MFSD11: variants seen among roughly 807,000 people sequenced by gnomAD.
MFSD11 encodes the protein major facilitator superfamily domain containing 11.
In MFSD11, 36 loss-of-function variants were observed where a neutral mutation model predicts 53.5. That is an observed-to-expected ratio of 0.67 (90% CI 0.52 to 0.89). The LOEUF is 0.89. Ranked by LOEUF, MFSD11 falls within the 40% of genes least tolerant of loss-of-function variation. The pLI is 0.00. For synonymous variants in MFSD11, 186 were observed against 184.9 expected, an observed-to-expected ratio of 1.01 and a Z score of -0.05; for missense variants, 530 against 543.9, an observed-to-expected ratio of 0.97 and a Z score of 0.25.
chr17:76,763,357 C>T (rs1001868184), intron 8 of MFSD11, among the ~76,000 whole-genome samples: 14 of 151,862 alleles, frequency 9.2e-5, no homozygotes, highest in African/African-American at 3.1e-4. Flanking sequence ...CTCCACCTCC[C>T]AGGTTCAAGT....
intron 7 of MFSD11, 73 bp downstream of exon 7, chr17:76,744,539 C>T (rs1480219079): frequency 1.2e-5 from 16 of 1,371,962 alleles, no homozygotes; most frequent in African/African-American, 4.4e-5. Context: ...ATTACCAACC[C>T]GTTTAGCCCT....
intron 12 of MFSD11, among the ~76,000 whole-genome samples, chr17:76,777,734 A>T (rs1225982899): frequency 6.6e-6 from 1 of 152,076 alleles, no homozygotes; most frequent in Non-Finnish European, 1.5e-5. Context: ...CTGATTAGAG[A>T]TTTCCTTCCT....
At chr17:76,765,697 C>T (rs1376659906) in intron 8 of MFSD11, among the ~76,000 whole-genome samples, 1 of 152,036 alleles carries the variant, frequency 6.6e-6, no homozygotes, top group Non-Finnish European at 1.5e-5. Flanking sequence ...TCAAGCGATT[C>T]TCCCAAGTCA....
At chr17:76,767,728 G>T (rs1396639703) in intron 9 of MFSD11, among the ~76,000 whole-genome samples, 2 of 152,116 alleles carry the variant, frequency 1.3e-5, no homozygotes, top group Non-Finnish European at 2.9e-5. Context: ...GATCTGGCAG[G>T]ATAGCCAGAC....
chr17:76,773,496 T>G (rs2081549837), intron 10 of MFSD11: 1 of 152,278 alleles, frequency 6.6e-6, no homozygotes, highest in Non-Finnish European at 1.5e-5. Context: ...CATCTTTTCA[T>G]GTGTGTATTT....
intron 5 of MFSD11, 104 bp downstream of exon 5, chr17:76,742,377 A>G (rs2078174422): frequency 3.3e-6 from 3 of 902,134 alleles, no homozygotes; most frequent in South Asian, 3.2e-5. Context: ...ATGTTACGTG[A>G]CTTAAGTTCT....
At chr17:76,740,041 G>C (rs2077907650) in intron 2 of MFSD11, among the ~76,000 whole-genome samples, 2 of 151,768 alleles carry the variant, frequency 1.3e-5, no homozygotes, top group African/African-American at 2.4e-5. Flanking sequence ...AGGCATGGTG[G>C]TGGGCGCCTG....
downstream of MFSD11, among the ~76,000 whole-genome samples, chr17:76,783,339 A>G (rs1386495685): frequency 2.0e-5 from 3 of 152,164 alleles, no homozygotes; most frequent in East Asian, 1.9e-4. Flanking sequence ...CATATTGTCT[A>G]TATTTAGATT....
At chr17:76,736,722 C>T, upstream of MFSD11, 1 of 1,364,098 alleles carries the variant, frequency 7.3e-7, no homozygotes, top group Non-Finnish European at 9.4e-7. Context: ...ACGTGCTTCG[C>T]CGCGGACCTT....
At chr17:76,765,573 C>T (rs1456836524) in intron 8 of MFSD11, among the ~76,000 whole-genome samples, 2 of 151,078 alleles carry the variant, frequency 1.3e-5, no homozygotes, top group Admixed American at 6.6e-5. Flanking sequence ...AGCGATCCTC[C>T]CATCTTAGCC....
chr17:76,738,363 A>T lies in MFSD11; in HGVS notation c.11A>T (p.Glu4Val). MSP[E>V]SKKLFNIIIL... ...CAGAGCTGAGCCAAAATGTCCCCGG[A>T]ATCTAAAAAGCTTTTCAACATCATT... Residue 4 changes from glutamate to valine, a missense_variant, in exon 1 of 13, where the codon GAA (glutamate) becomes GTA (valine). Coordinates refer to ENST00000685175, the MANE Select transcript of MFSD11 (RefSeq NM_001242532.5). 1 of 1,613,952 alleles carries T rather than the reference A, an allele frequency of 6.2e-7. No individual in the cohort carries two copies. The highest frequency in any genetic ancestry group is 8.5e-7 in the Non-Finnish European group (1 of 1,179,840).
At chr17:76,790,402 C>T in the MFSD11 span, among the ~76,000 whole-genome samples, 88 of 146,146 alleles carry the variant, frequency 6.0e-4, 1 homozygote, top group African/African-American at 2.2e-3. Flanking sequence ...AGGGCAGTGG[C>T]GTGATCACAA....
At chr17:76,744,730 C>G (rs937951890) in intron 7 of MFSD11, among the ~76,000 whole-genome samples, 1 of 152,192 alleles carries the variant, frequency 6.6e-6, no homozygotes, top group Admixed American at 6.5e-5. Context: ...TGGACAGTGG[C>G]AGCAATTCCT....
the MFSD11 span, among the ~76,000 whole-genome samples, chr17:76,797,754 C>G: frequency 6.6e-6 from 1 of 152,224 alleles, no homozygotes; most frequent in East Asian, 1.9e-4. Flanking sequence ...ACACTACCCC[C>G]ACTTACTTCA....
In MFSD11 at chr17:76,744,318, G is replaced by A. The variant is rs9914076; in HGVS notation, c.497-4G>A. Reference sequence around the variant, plus strand: ...CTATCTTGTTTCTTCTTTTTTCTCCGTAGAGAGTGACCGAAGAACAGTGTT... The same window carrying A: ...CTATCTTGTTTCTTCTTTTTTCTCCATAGAGAGTGACCGAAGAACAGTGTT... On this transcript the variant is annotated splice_region_variant and splice_polypyrimidine_tract_variant and intron_variant, in intron 6 of 12. Coordinates refer to ENST00000685175, the MANE Select transcript of MFSD11 (RefSeq NM_001242532.5). 18,690 of 1,607,234 alleles carry A rather than the reference G, an allele frequency of 0.012. 1,313 individuals carry two copies. In the African/African-American group the frequency reaches 0.18, roughly 16 times the overall value.
rs2082044424 is a variant in MFSD11 at position 76,778,581 on chromosome 17, AG to A, written c.*230del. ...TGTTCTGTCAACTGTAATTGTTCAAAGATGTTGTTTTTCATTTCATCTATCT... is the reference window on the plus strand; with the variant it reads ...TGTTCTGTCAACTGTAATTGTTCAAAATGTTGTTTTTCATTTCATCTATCT... On this transcript the variant is annotated 3_prime_UTR_variant, in exon 13 of 13. Coordinates refer to ENST00000685175, the MANE Select transcript of MFSD11 (RefSeq NM_001242532.5). The A allele has an allele frequency of 2.2e-6, 1 of 459,902 alleles. No individual in the cohort carries two copies. The highest frequency in any genetic ancestry group is 1.9e-5 in the African/African-American group (1 of 51,582). 28.5% of individuals were successfully genotyped at this position (459,902 alleles called of 1,614,324 possible). A position where few individuals can be genotyped will look rare whatever the true frequency, so the allele number is the denominator to read the frequency against.
chr17:76,796,874 G>A, the MFSD11 span, among the ~76,000 whole-genome samples: 1 of 149,508 alleles, frequency 6.7e-6, no homozygotes, highest in Non-Finnish European at 1.5e-5. Context: ...CAGCTACTTG[G>A]AAAGCTGAGG....
rs1177280525 is a variant in MFSD11 at position 76,769,661 on chromosome 17, A to G, written c.749-85A>G. The G allele has an allele frequency of 4.7e-6, 5 of 1,061,546 alleles. No homozygotes were observed. The African/African-American group carries it at 8.1e-5, about 17-fold the overall frequency. 65.8% of individuals were successfully genotyped at this position (1,061,546 alleles called of 1,614,324 possible). On this transcript the variant is annotated intron_variant, in intron 9 of 12. Coordinates refer to ENST00000685175, the MANE Select transcript of MFSD11 (RefSeq NM_001242532.5). The stretch of plus-strand genomic sequence containing the variant: ...GTTTTATGTGTTTTACTACGCAAGT[A>G]TTCTTTCGTCAGATACTACTAGATG...
rs369269589 is a variant in MFSD11 at position 76,762,568 on chromosome 17, A to C, written c.683-4818A>C. Among the ~76,000 whole-genome samples, 3 of 149,358 alleles carry C rather than the reference A, an allele frequency of 2.0e-5. No homozygotes were observed. In the South Asian group the frequency reaches 6.7e-4, roughly 33 times the overall value. ...TGTAGTCCCAGGCTGAGGCAGGAGAATGGTGTGAACCGAGGAGGTGGAGCT... is the reference window on the plus strand; with the variant it reads ...TGTAGTCCCAGGCTGAGGCAGGAGACTGGTGTGAACCGAGGAGGTGGAGCT... On this transcript the variant is annotated intron_variant, in intron 8 of 12. Transcript: ENST00000685175.
Sources: allele counts gnomAD v4.1 joint callset (sites outside exome capture counted in the v4.1 genomes callset), GRCh38; gene constraint gnomAD v4.1.1; transcripts MANE v1.5; gene names NCBI Gene and HGNC (gene_info 2026-07-23, HGNC 2026-07-21).